RPL7: variants seen among roughly 807,000 people sequenced by gnomAD.
The protein encoded by RPL7 is large ribosomal subunit protein uL30.
For synonymous variants in RPL7, 100 were observed against 102.2 expected, an observed-to-expected ratio of 0.98 and a Z score of 0.13; for missense variants, 205 against 301.9, an observed-to-expected ratio of 0.68 and a Z score of 2.38.
At chr8:73,291,980 T>C (rs958764746) in intron 3 of RPL7, 70 bp from the exon 4 acceptor site, 1 of 1,567,362 alleles carries the variant, frequency 6.4e-7, no homozygotes, top group African/African-American at 1.4e-5. Flanking sequence ...ACCATTATAG[T>C]TTTGAATATC....
chr8:73,293,745 A>G (rs1814173944), upstream of RPL7: 2 of 1,084,946 alleles, frequency 1.8e-6, no homozygotes, highest in Non-Finnish European at 2.7e-6. Flanking sequence ...GCCGCCTTGC[A>G]GACGCAAAGA....
chr8:73,293,539 C>A, intron 1 of RPL7, 60 bp downstream of exon 1: 2 of 1,605,154 alleles, frequency 1.2e-6, no homozygotes, highest in South Asian at 1.1e-5. Flanking sequence ...AAAAGTGACA[C>A]AAAAAGTATC....
intron 4 of RPL7, 22 bp from the exon 5 acceptor site, chr8:73,291,683 A>T: frequency 6.3e-7 from 1 of 1,590,436 alleles, no homozygotes; most frequent in South Asian, 1.1e-5. Flanking sequence ...AAGCAAACAT[A>T]AATAAGGTGA....
chr8:73,291,951 G>C (rs765340293), intron 3 of RPL7, 41 bp from the exon 4 acceptor site: 1 of 1,599,514 alleles, frequency 6.3e-7, no homozygotes, highest in Non-Finnish European at 8.6e-7. Context: ...GCCTTTCATC[G>C]AAATTTTTAT....
At chr8:73,293,014 A>G (rs1049749798) in intron 1 of RPL7, 1 of 415,966 alleles carries the variant, frequency 2.4e-6, no homozygotes, top group Non-Finnish European at 4.3e-6. Flanking sequence ...CACAAATATG[A>G]CAATAGCAAT....
In RPL7 at chr8:73,292,149, C is replaced by T. The variant is rs75978654; in HGVS notation, c.290+90G>A. 1.0e-3 allele frequency: 1,350 copies of T among 1,293,994 alleles called. 20 individuals carry two copies. In the East Asian group the frequency reaches 0.027, roughly 26 times the overall value. 80.2% of individuals were successfully genotyped at this position (1,293,994 alleles called of 1,614,324 possible). ...AGCTTCCCCTAAAATATTGTTACTCCGGTGTTTCAGAATCAGGGCTCCCAG... is the reference window on the plus strand; with the variant it reads ...AGCTTCCCCTAAAATATTGTTACTCTGGTGTTTCAGAATCAGGGCTCCCAG... On this transcript the variant is annotated intron_variant, in intron 3 of 6. Transcript: ENST00000352983.
chr8:73,293,180 A>G lies in RPL7; in HGVS notation c.15-383T>C, dbSNP rs899150544. 6 of 226,648 alleles carry G rather than the reference A, an allele frequency of 2.6e-5. No individual in the cohort carries two copies. The East Asian group carries it at 2.9e-4, about 11-fold the overall frequency. 14.0% of individuals were successfully genotyped at this position (226,648 alleles called of 1,614,324 possible). On this transcript the variant is annotated intron_variant, in intron 1 of 6. Coordinates refer to ENST00000352983, the MANE Select transcript of RPL7 (RefSeq NM_000971.4). ...AGACTTTAAGCGCAAAAATTAAAAA[A>G]TAAAAATAAAAAAAAAACAAGCCAC...
chr8:73,293,339 G>A lies in RPL7; in HGVS notation c.14+260C>T, dbSNP rs149436371. On this transcript the variant is annotated intron_variant, in intron 1 of 6. Transcript: ENST00000352983. ...CTCCCCCGAAAGACCCTCTACCGAG[G>A]ACTGGGCCGTCAGCCAACCGACGGG... is the stretch of plus-strand genomic sequence containing the variant. 875 of 498,894 alleles carry A rather than the reference G, an allele frequency of 1.8e-3. 20 individuals carry two copies. The Admixed American group carries it at 0.025, about 15-fold the overall frequency. 30.9% of individuals were successfully genotyped at this position (498,894 alleles called of 1,614,324 possible).
upstream of RPL7, chr8:73,293,767 T>TCAACAA (rs2130346136): frequency 1.2e-6 from 1 of 827,746 alleles, no homozygotes; most frequent in South Asian, 1.6e-5. Flanking sequence ...CTCCCTGATT[T>TCAACAA]AGCCTCTTTC....
intron 6 of RPL7, 66 bp downstream of exon 6, chr8:73,290,977 T>A: frequency 8.2e-7 from 1 of 1,224,376 alleles, no homozygotes; most frequent in Non-Finnish European, 1.2e-6. Context: ...ATGGGAAAAG[T>A]ATTCAAGATT....
chr8:73,292,114 T>G, intron 3 of RPL7, 125 bp downstream of exon 3: 1 of 1,129,838 alleles, frequency 8.9e-7, no homozygotes, highest in Non-Finnish European at 1.3e-6. Flanking sequence ...ATCAGCACCC[T>G]CCTTGTTCTA....
chr8:73,293,403 T>A (rs764189200), intron 1 of RPL7, 196 bp downstream of exon 1: 6 of 597,780 alleles, frequency 1.0e-5, no homozygotes, highest in African/African-American at 7.5e-5. Context: ...GTTCCCGGGA[T>A]CTCCAAAACC....
chr8:73,292,537 CA>C, intron 2 of RPL7, 132 bp from the exon 3 acceptor site: 3 of 1,020,370 alleles, frequency 2.9e-6, no homozygotes, highest in East Asian at 2.4e-5. Context: ...CATCCCCCAC[CA>C]AAAAACCCCA....
At position 73,292,266 on chromosome 8, in the gene RPL7, T is replaced by C. The variant is rs752169201; in HGVS notation, c.263A>G (p.Lys88Arg). 2 of 1,613,402 alleles carry C rather than the reference T, an allele frequency of 1.2e-6. No homozygotes were observed. Among genetic ancestry groups the C allele is most frequent in the Admixed American group, 3.3e-5 (2 of 59,994 alleles). The change falls in exon 3 of 7, where the codon AAA (lysine) becomes AGA (arginine). Residue 88 changes from lysine to arginine, a missense_variant. By Grantham distance (26) the Lys-to-Arg change is conservative. Coordinates refer to ENST00000352983, the MANE Select transcript of RPL7 (RefSeq NM_000971.4). ...TCTGATTCTGATGACAAACGCCAAT[T>C]TGGGTTCTGCAGGTACATAGAAGTT... is the stretch of plus-strand genomic sequence containing the variant. ...AGNFYVPAEP[K>R]LAFVIRIRGI...
In RPL7 at chr8:73,293,226, G is replaced by A. The variant is rs970092158; in HGVS notation, c.14+373C>T. 1.2e-5 allele frequency: 3 copies of A among 255,320 alleles called. No individual in the cohort carries two copies. The East Asian group carries it at 2.5e-4, about 21-fold the overall frequency. The allele number at this position is 255,320 out of a possible 1,614,324, so 15.8% of individuals were successfully genotyped here. The stretch of plus-strand genomic sequence containing the variant: ...GCCACCACCACTCTGGTTCAATCAG[G>A]ATCCACATGTTGAAAGCAAAGGCCT... On this transcript the variant is annotated intron_variant, in intron 1 of 6. Coordinates refer to ENST00000352983, the MANE Select transcript of RPL7 (RefSeq NM_000971.4).
upstream of RPL7, chr8:73,293,784 C>T (rs1586183452): frequency 1.4e-6 from 1 of 713,152 alleles, no homozygotes; most frequent in Non-Finnish European, 2.4e-6. Context: ...TTTCAACAAA[C>T]TTTCGGGTAA....
Position 73,291,855 on chromosome 8 carries a change from G to C in RPL7, c.346C>G (p.Gln116Glu). 6.2e-7 allele frequency: 1 copy of C among 1,613,280 alleles called. No individual in the cohort carries two copies. Among genetic ancestry groups the C allele is most frequent in the Non-Finnish European group, 8.5e-7 (1 of 1,179,268 alleles). Residue 116 changes from glutamine to glutamate, a missense_variant, in exon 4 of 7, where the codon CAA (glutamine) becomes GAA (glutamate). Coordinates refer to ENST00000352983, the MANE Select transcript of RPL7 (RefSeq NM_000971.4). ...TTCACAAAGGTTCCATTGAAGATTTGACGAAGGCGAAGAAGCTGCAACACC... is the reference window on the plus strand; with the variant it reads ...TTCACAAAGGTTCCATTGAAGATTTCACGAAGGCGAAGAAGCTGCAACACC... ...RKVLQLLRLR[Q>E]IFNGTFVKLN...
intron 1 of RPL7, chr8:73,293,368 C>T (rs1164884819): frequency 7.5e-6 from 4 of 531,910 alleles, no homozygotes; most frequent in Non-Finnish European, 1.4e-5. Flanking sequence ...CGACGGGTTC[C>T]ACACACATTC....
Position 73,291,115 on chromosome 8 carries a change from G to C in RPL7, c.676C>G (p.His226Asp). The change falls in exon 6 of 7, where the codon CAT becomes GAT. Residue 226 changes from histidine (H) to aspartate (D), a missense_variant. His to Asp is a moderately conservative substitution (Grantham distance 81, BLOSUM62 -1). Coordinates refer to ENST00000352983, the MANE Select transcript of RPL7 (RefSeq NM_000971.4). The stretch of plus-strand genomic sequence containing the variant: ...CCAGCATCTCCACCTTCTACAAAAT[G>C]GGTGGTCTTTTTCTTCATTCCACCT... ...PRGGMKKKTT[H>D]FVEGGDAGNR... is the part of the protein sequence containing the mutation. 1 of 1,606,102 alleles carries C rather than the reference G, an allele frequency of 6.2e-7. No homozygotes were observed. The highest frequency in any genetic ancestry group is 8.5e-7 in the Non-Finnish European group (1 of 1,173,886).
Sources: gnomAD v4.1 joint callset for allele counts on GRCh38, gnomAD v4.1.1 for gene constraint, MANE v1.5 for transcripts, NCBI Gene and HGNC (gene_info 2026-07-23, HGNC 2026-07-21) for gene names.